The following MCF2L2 variants were observed in gnomAD, a reference collection of about 807,000 sequenced individuals.
MCF2L2 encodes the protein MCF.2 cell line derived transforming sequence-like 2.
In MCF2L2, 102 loss-of-function variants were observed where a neutral mutation model predicts 150.2. The observed-to-expected ratio is 0.68, with a 90% confidence interval of 0.58 to 0.80. The LOEUF (loss-of-function observed/expected upper bound fraction) is 0.80. MCF2L2 is among the 30% of genes least tolerant of loss of function. MCF2L2 has a pLI of 0.00. For synonymous variants in MCF2L2, 465 were observed against 491.3 expected, an observed-to-expected ratio of 0.95 and a Z score of 0.71; for missense variants, 1,256 against 1,372.8, an observed-to-expected ratio of 0.91 and a Z score of 1.34.
chr3:183,382,226 T>C (rs910223144), intron 2 of MCF2L2, among the ~76,000 whole-genome samples: 2 of 151,982 alleles, frequency 1.3e-5, no homozygotes, highest in African/African-American at 4.8e-5. Context: ...GCCCAGCTAA[T>C]TTTTGTATTT....
At chr3:183,277,806 A>G (rs1650897522) in intron 14 of MCF2L2, among the ~76,000 whole-genome samples, 1 of 151,096 alleles carries the variant, frequency 6.6e-6, no homozygotes, top group African/African-American at 2.4e-5. Flanking sequence ...TTAAAATAGG[A>G]TGTCAGTCCA....
At chr3:183,269,690 A>G in intron 15 of MCF2L2, 2 of 958,514 alleles carry the variant, frequency 2.1e-6, no homozygotes, top group East Asian at 2.6e-5. Flanking sequence ...TTTAATGACC[A>G]ACATGTATTA....
At chr3:183,367,699 A>G (rs573684174) in intron 3 of MCF2L2, among the ~76,000 whole-genome samples, 24 of 152,348 alleles carry the variant, frequency 1.6e-4, no homozygotes, top group Non-Finnish European at 2.8e-4. Context: ...AACAGATACT[A>G]TCTAAGGTAG....
At chr3:183,184,006 T>C (rs1343728430) in intron 27 of MCF2L2, among the ~76,000 whole-genome samples, 1 of 151,904 alleles carries the variant, frequency 6.6e-6, no homozygotes, top group Non-Finnish European at 1.5e-5. Context: ...AAAACTGTTT[T>C]GTTTTGTTTT....
At chr3:183,348,597 A>AGAGAC (rs1262033208) in intron 3 of MCF2L2, among the ~76,000 whole-genome samples, 1 of 152,160 alleles carries the variant, frequency 6.6e-6, no homozygotes, top group Non-Finnish European at 1.5e-5. Flanking sequence ...AAAGGCAAGT[A>AGAGAC]GAGACGGAGT....
chr3:183,358,670 G>A (rs1038614948), intron 3 of MCF2L2, among the ~76,000 whole-genome samples: 1 of 152,150 alleles, frequency 6.6e-6, no homozygotes, highest in Non-Finnish European at 1.5e-5. Context: ...TCTCAGGCTG[G>A]AGTATAGTGG....
At chr3:183,294,763 G>C (rs1322921363) in intron 13 of MCF2L2, among the ~76,000 whole-genome samples, 1 of 151,668 alleles carries the variant, frequency 6.6e-6, no homozygotes, top group Non-Finnish European at 1.5e-5. Context: ...CGAGTAGCTG[G>C]GACTACAGGT....
At position 183,270,972 on chromosome 3, in the gene MCF2L2, G is replaced by C. The variant is rs764839323; in HGVS notation, c.1862+5900C>G. On this transcript the variant is annotated intron_variant, in intron 15 of 29. Transcript: ENST00000328913. The surrounding 1 kb of genome is among the most constrained non-coding windows in gnomAD (Gnocchi z 4.5). ...TGTTGTATGTTTTCACTGTCACTGA[G>C]TCAAACCTGGATGAAAAAAACCTTT... 2.0e-6 allele frequency: 3 copies of C among 1,507,824 alleles called. No homozygotes were observed. The East Asian group carries it at 6.9e-5, about 34-fold the overall frequency. The allele number at this position is 1,507,824 out of a possible 1,614,324, so 93.4% of individuals were successfully genotyped here.
chr3:183,415,933 A>T (rs1435982558), intron 1 of MCF2L2, among the ~76,000 whole-genome samples: 8 of 151,990 alleles, frequency 5.3e-5, no homozygotes, highest in Admixed American at 5.2e-4. Flanking sequence ...TTTTCTCTAT[A>T]TCTCATATTT....
chr3:183,394,929 T>A (rs1714354061), intron 1 of MCF2L2, among the ~76,000 whole-genome samples: 1 of 152,210 alleles, frequency 6.6e-6, no homozygotes, highest in Non-Finnish European at 1.5e-5. Context: ...ACCTGGTGAT[T>A]ATTGAGCACT....
intron 3 of MCF2L2, among the ~76,000 whole-genome samples, chr3:183,363,314 T>C (rs1284090928): frequency 1.3e-5 from 2 of 152,192 alleles, no homozygotes; most frequent in Non-Finnish European, 2.9e-5. Flanking sequence ...TTTTGCTCTT[T>C]AGTATTTACC....
intron 13 of MCF2L2, among the ~76,000 whole-genome samples, chr3:183,290,196 TCA>T (rs142986574): frequency 0.018 from 2,803 of 152,312 alleles, 49 homozygotes; most frequent in East Asian, 0.051. Flanking sequence ...ACACACACAA[TCA>T]TACTATGATT....
chr3:183,191,470 C>G (rs996578289), intron 27 of MCF2L2, among the ~76,000 whole-genome samples: 4 of 151,948 alleles, frequency 2.6e-5, no homozygotes, highest in Non-Finnish European at 5.9e-5. Flanking sequence ...TTCCAAGATC[C>G]CCAGTGGATG....
intron 15 of MCF2L2, chr3:183,273,032 C>T: frequency 6.7e-7 from 1 of 1,488,022 alleles, no homozygotes; most frequent in South Asian, 1.4e-5. Flanking sequence ...ATGATTCCTT[C>T]ATCACACTTA....
At chr3:183,255,717 G>T (rs569941537) in intron 15 of MCF2L2, among the ~76,000 whole-genome samples, 1 of 151,800 alleles carries the variant, frequency 6.6e-6, no homozygotes, top group East Asian at 1.9e-4. Flanking sequence ...TAAAGTGCAG[G>T]CCCCATCAAG....
Position 183,267,220 on chromosome 3 carries a change from A to C in MCF2L2, c.1862+9652T>G, listed in dbSNP as rs540896314. ...CTCAGTACACTCTGTATTTAAAAAA[A>C]AAAATGCTGGTTGTGGCTTCCTAAG... On this transcript the variant is annotated intron_variant, in intron 15 of 29. Transcript: ENST00000328913. This position sits in a 1 kb window ranked among gnomAD's most constrained non-coding sequence, Gnocchi z 5.5. Among the ~76,000 whole-genome samples, 8 of 152,238 alleles carry C rather than the reference A, an allele frequency of 5.3e-5. No homozygotes were observed. The highest frequency in any genetic ancestry group is 1.5e-5 in the Non-Finnish European group (1 of 68,044).
intron 5 of MCF2L2, among the ~76,000 whole-genome samples, chr3:183,325,736 G>A (rs1729998202): frequency 6.6e-6 from 1 of 152,174 alleles, no homozygotes; most frequent in Non-Finnish European, 1.5e-5. Context: ...CTGCCAGGCT[G>A]CATATTTTCT....
chr3:183,266,108 A>G (rs1266406095), intron 15 of MCF2L2: 1 of 152,262 alleles, frequency 6.6e-6, no homozygotes. Context: ...AAGCAACAGC[A>G]GCAATGCACC....
chr3:183,397,824 G>A (rs944063647), intron 1 of MCF2L2, among the ~76,000 whole-genome samples: 2 of 152,166 alleles, frequency 1.3e-5, no homozygotes, highest in South Asian at 4.1e-4. Flanking sequence ...AAATGGGTTT[G>A]AAGATGTTTA....
Sources: gnomAD v4.1 joint callset for allele counts (sites outside exome capture counted in the v4.1 genomes callset) on GRCh38, gnomAD v4.1.1 for gene constraint, Gnocchi (gnomAD v3.1) non-coding constraint, MANE v1.5 for transcripts, NCBI Gene and HGNC (gene_info 2026-07-23, HGNC 2026-07-21) for gene names.